GLYATL3: variants seen among roughly 807,000 people sequenced by gnomAD.
GLYATL3 encodes glycine-N-acyltransferase like 3, also known as glycine N-acyltransferase-like protein 3.
A neutral mutation model predicts 28.5 loss-of-function variants in GLYATL3; 31 were observed. That is an observed-to-expected ratio of 1.09 (90% CI 0.82 to 1.47). The LOEUF (loss-of-function observed/expected upper bound fraction) is 1.47. GLYATL3 is among the 40% of genes most tolerant of loss of function. The pLI, the probability that GLYATL3 is intolerant of heterozygous loss-of-function variation, is 0.00. For synonymous variants in GLYATL3, 141 were observed against 140.2 expected (o/e 1.01, Z -0.04); for missense variants, 369 against 351.5 (o/e 1.05, Z -0.40).
chr6:49,526,488 C>T lies in GLYATL3; in HGVS notation c.441C>T (p.Leu147=), dbSNP rs1431455892. Residue 147 remains leucine (L), a splice_region_variant and synonymous_variant, in exon 6 of 6, where the codon CTC becomes CTT. Coordinates refer to ENST00000371197, the MANE Select transcript of GLYATL3 (RefSeq NM_001010904.2). ...PVSSLPDTSF[L]KGPSPRLTYL... ...TTGTTTTTGTGTCATTCTGGTCTAG[C>T]AAGGGGCCTTCCCCACGACTAACCT... 6 of 1,550,608 alleles carry T rather than the reference C, an allele frequency of 3.9e-6. No homozygotes were observed. In the South Asian group the frequency reaches 7.1e-5, roughly 18 times the overall value.
intron 1 of GLYATL3, among the ~76,000 whole-genome samples, chr6:49,502,895 T>A (rs1337988470): frequency 6.6e-6 from 1 of 152,198 alleles, no homozygotes; most frequent in African/African-American, 2.4e-5. Flanking sequence ...AAATACCTTC[T>A]CTGGCTCTGA....
chr6:49,515,302 G>A (rs1160857518), intron 2 of GLYATL3, among the ~76,000 whole-genome samples: 4 of 152,134 alleles, frequency 2.6e-5, no homozygotes, highest in Non-Finnish European at 5.9e-5. Flanking sequence ...AACCCTAAGA[G>A]CATATGTTAT....
At chr6:49,516,525 A>T (rs1561978685) in intron 3 of GLYATL3, among the ~76,000 whole-genome samples, 1 of 152,176 alleles carries the variant, frequency 6.6e-6, no homozygotes, top group South Asian at 2.1e-4. Flanking sequence ...TCCTGACCAC[A>T]TTAGGAAGAT....
intron 1 of GLYATL3, among the ~76,000 whole-genome samples, chr6:49,500,808 G>A (rs375261325): frequency 5.3e-5 from 8 of 151,974 alleles, no homozygotes; most frequent in South Asian, 2.1e-4. Flanking sequence ...AGAGTTAATC[G>A]TCATTATGAC....
At chr6:49,509,948 C>CTCTT (rs71540239) in intron 1 of GLYATL3, among the ~76,000 whole-genome samples, 9,136 of 99,498 alleles carry the variant, frequency 0.092, 424 homozygotes, top group African/African-American at 0.15. Context: ...TATTTTCTTT[C>CTCTT]TCTTTCTTTC....
Position 49,521,768 on chromosome 6 carries a change from T to A in GLYATL3, c.437T>A (p.Phe146Tyr). 1 of 1,551,196 alleles carries A rather than the reference T, an allele frequency of 6.4e-7. No homozygotes were observed. Residue 146 changes from phenylalanine to tyrosine, a missense_variant, in exon 5 of 6, where the codon TTC (phenylalanine) becomes TAC (tyrosine). Coordinates refer to ENST00000371197, the MANE Select transcript of GLYATL3 (RefSeq NM_001010904.2). ...GTTTCATCTCTGCCAGATACCAGTT[T>A]CCTGTATGTAAACCAAGTTTTTGCA... is the stretch of plus-strand genomic sequence containing the variant. ...SPVSSLPDTS[F>Y]LKGPSPRLTY...
At chr6:49,513,684 C>A (rs1769161723) in intron 2 of GLYATL3, among the ~76,000 whole-genome samples, 1 of 152,086 alleles carries the variant, frequency 6.6e-6, no homozygotes, top group Non-Finnish European at 1.5e-5. Context: ...CCATGTTACA[C>A]AATAATATAA....
At chr6:49,523,271 A>G (rs1449012285) in intron 5 of GLYATL3, among the ~76,000 whole-genome samples, 1 of 152,202 alleles carries the variant, frequency 6.6e-6, no homozygotes, top group African/African-American at 2.4e-5. Flanking sequence ...TATGTGTAAA[A>G]CGTTTCAAAC....
chr6:49,512,322 T>C (rs1227594711), intron 2 of GLYATL3, among the ~76,000 whole-genome samples: 1 of 149,394 alleles, frequency 6.7e-6, no homozygotes, highest in Non-Finnish European at 1.5e-5. Context: ...CTGGGATGCA[T>C]GTGCTGAATG....
chr6:49,506,165 C>A (rs867893874), intron 1 of GLYATL3, among the ~76,000 whole-genome samples: 29 of 152,304 alleles, frequency 1.9e-4, no homozygotes, highest in Middle Eastern at 3.4e-3. Flanking sequence ...GAGTGAGCTT[C>A]TAGCTGCATT....
chr6:49,508,170 C>A (rs4715133), intron 1 of GLYATL3, among the ~76,000 whole-genome samples: 4,103 of 152,014 alleles, frequency 0.027, 313 homozygotes, highest in Admixed American at 0.16. Context: ...GTGGCGGGCG[C>A]CTGTAGTCCC....
chr6:49,521,669 T>G lies in GLYATL3; in HGVS notation c.338T>G (p.Val113Gly). 6.4e-7 allele frequency: 1 copy of G among 1,550,962 alleles called. No individual in the cohort carries two copies. The highest frequency in any genetic ancestry group is 8.7e-7 in the Non-Finnish European group (1 of 1,146,332). The stretch of plus-strand genomic sequence containing the variant: ...GGGCTGCAGAGTGAGTTATATGATG[T>G]TTCCAAAGCGGTTGCCAATTCAAAG... ...IQGLQSELYD[V>G]SKAVANSKQL... The change falls in exon 5 of 6, where the codon GTT (valine) becomes GGT (glycine). Residue 113 changes from valine to glycine, a missense_variant. Physicochemically the swap from Val to Gly is moderately radical, Grantham distance 109 (BLOSUM62 -3). Transcript: ENST00000371197.
At chr6:49,523,525 T>C (rs1769351470) in intron 5 of GLYATL3, among the ~76,000 whole-genome samples, 1 of 152,190 alleles carries the variant, frequency 6.6e-6, no homozygotes, top group Non-Finnish European at 1.5e-5. Context: ...GCCATTTATG[T>C]GAGTCCTGGA....
intron 1 of GLYATL3, among the ~76,000 whole-genome samples, chr6:49,509,551 A>G (rs981917194): frequency 5.3e-5 from 8 of 152,206 alleles, no homozygotes; most frequent in Admixed American, 3.9e-4. Flanking sequence ...AAAAACTTGA[A>G]AAACTTAGCA....
intron 3 of GLYATL3, 62 bp from the exon 4 acceptor site, chr6:49,517,368 C>T: frequency 3.6e-6 from 5 of 1,396,520 alleles, no homozygotes; most frequent in Non-Finnish European, 4.7e-6. Context: ...ATCTAATCTA[C>T]CTAAGATTTG....
chr6:49,517,567 G>A lies in GLYATL3; in HGVS notation c.313+11G>A, dbSNP rs1769239107. ...TTTTTCAAATACAAGGTGAGGTCAA[G>A]TGCAAGACTTATATTACACAGTCTT... On this transcript the variant is annotated intron_variant, in intron 4 of 5. Transcript: ENST00000371197. 1.9e-6 allele frequency: 3 copies of A among 1,546,086 alleles called. No homozygotes were observed. The highest frequency in any genetic ancestry group is 2.7e-5 in the African/African-American group (2 of 72,772).
At chr6:49,521,871 C>A in intron 5 of GLYATL3, 100 bp downstream of exon 5, 1 of 1,048,092 alleles carries the variant, frequency 9.5e-7, no homozygotes, top group Non-Finnish European at 1.4e-6. Context: ...AATATCCAGG[C>A]ACTCTGGATT....
rs1769235558 is a variant in GLYATL3, at chr6:49,517,426, C to G, written c.187-4C>G. 2 of 1,531,210 alleles carry G rather than the reference C, an allele frequency of 1.3e-6. No homozygotes were observed. Among genetic ancestry groups the G allele is most frequent in the Non-Finnish European group, 1.8e-6 (2 of 1,137,846 alleles). 94.9% of individuals were successfully genotyped at this position (1,531,210 alleles called of 1,614,324 possible). A position where few individuals can be genotyped will look rare whatever the true frequency, so the allele number is the denominator to read the frequency against. Reference sequence around the variant, plus strand: ...TGTTTTTGTGATTATGTCTTCTGTCCTAGGCTGAGACAGATAACCTTGATC... The same window carrying G: ...TGTTTTTGTGATTATGTCTTCTGTCGTAGGCTGAGACAGATAACCTTGATC... On this transcript the variant is annotated splice_polypyrimidine_tract_variant and splice_region_variant and intron_variant, in intron 3 of 5. Transcript: ENST00000371197.
chr6:49,527,167 T>C lies in GLYATL3; in HGVS notation c.*253T>C, dbSNP rs1769437224. ...GATTGTCCTCCTGTAGGATCCACTG[T>C]AGGAGAATAGGTTCTAAAGCCAGCA... On this transcript the variant is annotated 3_prime_UTR_variant, in exon 6 of 6. Coordinates refer to ENST00000371197, the MANE Select transcript of GLYATL3 (RefSeq NM_001010904.2). The C allele has an allele frequency of 7.0e-6, 3 of 430,776 alleles. No individual in the cohort carries two copies. The highest frequency in any genetic ancestry group is 1.2e-5 in the Non-Finnish European group (3 of 242,506). 26.7% of individuals were successfully genotyped at this position (430,776 alleles called of 1,614,324 possible).
Sources: allele counts gnomAD v4.1 joint callset (sites outside exome capture counted in the v4.1 genomes callset), GRCh38; gene constraint gnomAD v4.1.1; transcripts MANE v1.5; gene names NCBI Gene and HGNC (gene_info 2026-07-23, HGNC 2026-07-21).